DDX31: variants seen among roughly 807,000 people sequenced by gnomAD.
DDX31 encodes DEAD-box helicase 31.
A neutral mutation model predicts 91.3 loss-of-function variants in DDX31; 70 were observed. The observed-to-expected ratio is 0.77, with a 90% CI of 0.63 to 0.94. The LOEUF (loss-of-function observed/expected upper bound fraction) is 0.94, where lower values mean the gene tolerates loss of function less well. DDX31 is among the 40% of genes least tolerant of loss of function. DDX31 has a pLI of 0.00. For synonymous variants in DDX31, 362 were observed against 350.6 expected, an observed-to-expected ratio of 1.03 and a Z score of -0.36; for missense variants, 902 against 925.0, an observed-to-expected ratio of 0.98 and a Z score of 0.32.
chr9:132,645,638 T>C (rs12336067), intron 13 of DDX31, among the ~76,000 whole-genome samples: 110 of 152,236 alleles, frequency 7.2e-4, no homozygotes, highest in African/African-American at 2.3e-3. Context: ...GTGAGCTCTC[T>C]CGGGTGGAAG....
rs947480109 is a variant in DDX31, at chr9:132,632,366, T to C, written c.1441-275A>G. Among the ~76,000 whole-genome samples the C allele has an allele frequency of 7.3e-5, 11 of 150,890 alleles. No individual in the cohort carries two copies. In the Admixed American group the frequency reaches 7.3e-4, roughly 10 times the overall value. ...CCTCTTGTGGTTAAAAATTCTGATT[T>C]AGGGGCAAATTCTACAGAACCCATT... On this transcript the variant is annotated intron_variant, in intron 14 of 19. Transcript: ENST00000372159.
At chr9:132,642,918 G>A (rs1326379288) in intron 13 of DDX31, among the ~76,000 whole-genome samples, 1 of 150,958 alleles carries the variant, frequency 6.6e-6, no homozygotes, top group Non-Finnish European at 1.5e-5. Flanking sequence ...TCCACCTCCC[G>A]GGCTCAAGTG....
intron 19 of DDX31, among the ~76,000 whole-genome samples, chr9:132,596,475 G>A (rs1005822920): frequency 1.3e-4 from 20 of 152,208 alleles, no homozygotes; most frequent in African/African-American, 4.6e-4. Context: ...GAGTTTATGG[G>A]GTGAGCACAT....
intron 6 of DDX31, among the ~76,000 whole-genome samples, chr9:132,656,094 T>C (rs1344866234): frequency 6.6e-6 from 1 of 151,938 alleles, no homozygotes; most frequent in Non-Finnish European, 1.5e-5. Flanking sequence ...AGGATGGATA[T>C]GATGTTAAAA....
At chr9:132,639,100 G>T (rs939659530) in intron 14 of DDX31, among the ~76,000 whole-genome samples, 2 of 152,224 alleles carry the variant, frequency 1.3e-5, no homozygotes, top group East Asian at 3.9e-4. Flanking sequence ...CAAGCAACAG[G>T]CTGCTTAAAA....
At chr9:132,647,203 CGCCCTAGTGCCAACGTGTGTGTT>C (rs1833897083) in intron 11 of DDX31, 145 bp from the exon 12 acceptor site, 1 of 686,222 alleles carries the variant, frequency 1.5e-6, no homozygotes, top group East Asian at 2.7e-5. Context: ...AGCACTGATC[CGCCCTAGTGCCAACGTGTGTGTT>C]GCAGGGAGAT....
chr9:132,619,563 C>T (rs79061887), intron 17 of DDX31, among the ~76,000 whole-genome samples: 2,469 of 152,262 alleles, frequency 0.016, 81 homozygotes, highest in African/African-American at 0.057. Context: ...TTCTCTGGAT[C>T]GACGTTCATC....
chr9:132,646,802 G>T lies in DDX31; in HGVS notation c.1203+21C>A, dbSNP rs11243859. The stretch of plus-strand genomic sequence containing the variant: ...AGGCCTTTCTTCCCTGAATCAAGTC[G>T]GCTCTAGCCCACAGTCCCACCTTGC... On this transcript the variant is annotated intron_variant, in intron 12 of 19. Transcript: ENST00000372159. 6,242 of 1,609,714 alleles carry T rather than the reference G, an allele frequency of 3.9e-3. 205 individuals carry two copies. The African/African-American group carries it at 0.072, about 19-fold the overall frequency.
rs1002951209 is a variant in DDX31 at position 132,653,115 on chromosome 9, CA to C, written c.589-624del. The stretch of plus-strand genomic sequence containing the variant: ...TGTTAGCAGATGTTATTTTATCTTA[CA>C]AAAAAAAAAACCATAAGAGAACTAA... On this transcript the variant is annotated intron_variant, in intron 6 of 19. Transcript: ENST00000372159. Among the ~76,000 whole-genome samples the C allele has an allele frequency of 2.4e-3, 331 of 138,508 alleles. 1 individual carries two copies. Among genetic ancestry groups the C allele is most frequent in the African/African-American group, 3.9e-3 (147 of 37,986 alleles). The allele number at this position is 138,508 out of a possible 152,430, so 90.9% of individuals were successfully genotyped here.
rs780168196 is a variant in DDX31 at position 132,618,451 on chromosome 9, C to T, written c.1714-10G>A. 8.1e-6 allele frequency: 13 copies of T among 1,603,206 alleles called. No homozygotes were observed. The highest frequency in any genetic ancestry group is 4.5e-5 in the East Asian group (2 of 44,402). ...CAACAGCATGGGATTTCTGAGAGGG[C>T]GACGGAAGGATTAAAGGAGAGATAG... On this transcript the variant is annotated splice_polypyrimidine_tract_variant and intron_variant, in intron 17 of 19. Coordinates refer to ENST00000372159, the MANE Select transcript of DDX31 (RefSeq NM_022779.9).
At position 132,603,954 on chromosome 9, in the gene DDX31, G is replaced by GT. The variant is rs1180867507; in HGVS notation, c.1994+8132dup. Among the ~76,000 whole-genome samples the GT allele has an allele frequency of 2.0e-5, 3 of 152,152 alleles. No individual in the cohort carries two copies. In the East Asian group the frequency reaches 5.8e-4, roughly 29 times the overall value. ...GAAGCAGAAAGCTGGTAATTGCATG[G>GT]TGTCACATAGAAAAAAACCATGGTG... On this transcript the variant is annotated intron_variant, in intron 19 of 19. Transcript: ENST00000372159.
At chr9:132,603,185 T>G (rs1830815769) in intron 19 of DDX31, among the ~76,000 whole-genome samples, 1 of 152,238 alleles carries the variant, frequency 6.6e-6, no homozygotes, top group Non-Finnish European at 1.5e-5. Context: ...CACTTAAAAC[T>G]GACATGCACA....
chr9:132,619,398 G>A (rs187339193), intron 17 of DDX31, among the ~76,000 whole-genome samples: 156 of 152,196 alleles, frequency 1.0e-3, no homozygotes, highest in African/African-American at 3.5e-3. Context: ...GTGAACCCCC[G>A]GGGAAAATCC....
At chr9:132,669,821 C>A in intron 1 of DDX31, 39 bp downstream of exon 1, 1 of 1,537,528 alleles carries the variant, frequency 6.5e-7, no homozygotes, top group Non-Finnish European at 8.7e-7. Flanking sequence ...ACAGCCGGGC[C>A]GCGGGTGGGG....
At chr9:132,609,426 G>T (rs1359273928) in intron 19 of DDX31, among the ~76,000 whole-genome samples, 1 of 152,092 alleles carries the variant, frequency 6.6e-6, no homozygotes, top group Non-Finnish European at 1.5e-5. Flanking sequence ...TCAAGGTAAG[G>T]ACAATGCTGC....
At chr9:132,603,964 G>A (rs182509356) in intron 19 of DDX31, among the ~76,000 whole-genome samples, 1 of 152,220 alleles carries the variant, frequency 6.6e-6, no homozygotes, top group East Asian at 1.9e-4. Flanking sequence ...GTGTCACATA[G>A]AAAAAAACCA....
intron 19 of DDX31, among the ~76,000 whole-genome samples, chr9:132,604,995 T>A (rs1830931261): frequency 6.6e-6 from 1 of 152,188 alleles, no homozygotes. Context: ...GATGCCTTTA[T>A]GTGGGGAAGG....
chr9:132,593,142 C>A lies in DDX31; in HGVS notation c.*1724G>T, dbSNP rs535627981. ...CCACATAGCATCTATGGCAAGAAAC[C>A]CTCACCATAAGAGTTAGCAGATTAA... On this transcript the variant is annotated 3_prime_UTR_variant, in exon 20 of 20. Coordinates refer to ENST00000372159, the MANE Select transcript of DDX31 (RefSeq NM_022779.9). 15 of 152,220 alleles carry A rather than the reference C, an allele frequency of 9.9e-5. No individual in the cohort carries two copies. The highest frequency in any genetic ancestry group is 3.4e-4 in the African/African-American group (14 of 41,520). The allele number at this position is 152,220 out of a possible 1,614,324, so 9.4% of individuals were successfully genotyped here. A position where few individuals can be genotyped will look rare whatever the true frequency, so the allele number is the denominator to read the frequency against.
chr9:132,664,666 G>A (rs942718065), intron 1 of DDX31, among the ~76,000 whole-genome samples: 1 of 140,094 alleles, frequency 7.1e-6, no homozygotes, highest in South Asian at 2.3e-4. Context: ...TCGTGATGAC[G>A]CCATGATGCC....
Sources: allele counts gnomAD v4.1 joint callset (sites outside exome capture counted in the v4.1 genomes callset), GRCh38; gene constraint gnomAD v4.1.1; transcripts MANE v1.5; gene names NCBI Gene and HGNC (gene_info 2026-07-23, HGNC 2026-07-21).